ACVR1: variants seen among roughly 807,000 people sequenced by gnomAD.
The protein encoded by ACVR1 is activin A receptor type 1.
A neutral mutation model predicts 57.1 loss-of-function variants in ACVR1; 38 were observed. The ratio of observed to expected loss-of-function variants is 0.67; its 90% CI spans 0.51 to 0.87. The LOEUF (loss-of-function observed/expected upper bound fraction) is 0.87. Ranked by LOEUF, ACVR1 falls within the 40% of genes least tolerant of loss-of-function variation. The pLI is 0.00. For synonymous variants in ACVR1, 212 were observed against 228.1 expected, an observed-to-expected ratio of 0.93 and a Z score of 0.63; for missense variants, 463 against 638.2, an observed-to-expected ratio of 0.73 and a Z score of 2.96.
chr2:157,769,172 G>A (rs989675622), intron 7 of ACVR1, among the ~76,000 whole-genome samples: 3 of 152,196 alleles, frequency 2.0e-5, no homozygotes, highest in African/African-American at 7.2e-5. Flanking sequence ...GCGATCTCAA[G>A]GAATGGTCAG....
Position 157,774,097 on chromosome 2 carries a change from C to A in ACVR1, c.634G>T (p.Glu212Ter). The change falls in exon 6 of 11, where the codon GAG (glutamate) becomes TAG (stop). Residue 212 changes from glutamate to a stop codon, truncating the protein, a stop_gained. Transcript: ENST00000434821. LOFTEE classifies it high-confidence loss of function. Reference sequence around the variant, plus strand: ...GAAAAAAAAGAATTACCGACACACTCCAACAGTGTAATCTGGCGAGCCACT... The same window carrying A: ...GAAAAAAAAGAATTACCGACACACTACAACAGTGTAATCTGGCGAGCCACT... ...RTVARQITLL[E>*]CVGKGRYGEV... is the part of the protein sequence containing the mutation. 5.6e-6 allele frequency: 9 copies of A among 1,613,664 alleles called. No homozygotes were observed. The highest frequency in any genetic ancestry group is 7.6e-6 in the Non-Finnish European group (9 of 1,179,574).
intron 8 of ACVR1, among the ~76,000 whole-genome samples, chr2:157,763,555 C>T (rs1685745268): frequency 1.3e-5 from 2 of 152,060 alleles, no homozygotes; most frequent in Admixed American, 6.5e-5. Flanking sequence ...CTCATTTCTA[C>T]TAAGAACAAA....
At chr2:157,818,250 T>C (rs1688017085) in intron 2 of ACVR1, 135 bp downstream of exon 2, 1 of 152,194 alleles carries the variant, frequency 6.6e-6, no homozygotes, top group Non-Finnish European at 1.5e-5. Context: ...AAAATAATCA[T>C]TTGTGGCAAA....
intron 1 of ACVR1, among the ~76,000 whole-genome samples, chr2:157,827,881 C>T (rs143403930): frequency 5.3e-5 from 8 of 152,164 alleles, no homozygotes; most frequent in African/African-American, 9.7e-5. Context: ...CTCTGTTATC[C>T]TTTTATCCTA....
chr2:157,804,250 G>A (rs1199011422), intron 2 of ACVR1, among the ~76,000 whole-genome samples: 1 of 152,156 alleles, frequency 6.6e-6, no homozygotes, highest in Admixed American at 6.5e-5. Context: ...AGATATTTTA[G>A]ACTGAGCACT....
intron 8 of ACVR1, among the ~76,000 whole-genome samples, chr2:157,765,401 C>CGT (rs1309435937): frequency 6.6e-6 from 1 of 152,152 alleles, no homozygotes; most frequent in Non-Finnish European, 1.5e-5. Context: ...CAAAATGCAA[C>CGT]AGTACTGGTT....
intron 2 of ACVR1, among the ~76,000 whole-genome samples, chr2:157,817,976 T>C (rs1688005383): frequency 7.1e-6 from 1 of 139,996 alleles, no homozygotes; most frequent in African/African-American, 2.6e-5. Context: ...CACTCCAGCC[T>C]AGGTGACAGA....
At chr2:157,837,147 G>A (rs1385264649) in intron 1 of ACVR1, among the ~76,000 whole-genome samples, 4 of 152,228 alleles carry the variant, frequency 2.6e-5, no homozygotes, top group African/African-American at 9.6e-5. Context: ...CCCATGTATA[G>A]TAATGAATAA....
At chr2:157,874,638 G>T (rs1430972402) in intron 1 of ACVR1, among the ~76,000 whole-genome samples, 1 of 152,172 alleles carries the variant, frequency 6.6e-6, no homozygotes, top group Non-Finnish European at 1.5e-5. Flanking sequence ...AAGGGAGGTG[G>T]TGTCTATTTT....
chr2:157,748,277 G>C (rs971679213), intron 9 of ACVR1, among the ~76,000 whole-genome samples: 3 of 152,110 alleles, frequency 2.0e-5, no homozygotes, highest in African/African-American at 7.2e-5. Context: ...CTCAGCTCTG[G>C]CACCCCCACA....
chr2:157,860,681 C>T (rs1689688496), intron 1 of ACVR1, among the ~76,000 whole-genome samples: 1 of 152,068 alleles, frequency 6.6e-6, no homozygotes, highest in Non-Finnish European at 1.5e-5. Flanking sequence ...AGATGCTGCT[C>T]TACATATACT....
At chr2:157,816,812 A>C (rs1687955297) in intron 2 of ACVR1, among the ~76,000 whole-genome samples, 2 of 152,164 alleles carry the variant, frequency 1.3e-5, no homozygotes, top group Non-Finnish European at 2.9e-5. Flanking sequence ...GAGCAACTCA[A>C]ATGTTAAATT....
chr2:157,838,416 T>C (rs1688866397), intron 1 of ACVR1: 1 of 152,212 alleles, frequency 6.6e-6, no homozygotes, highest in Non-Finnish European at 1.5e-5. Flanking sequence ...AGTCCTGTTG[T>C]GAAATAAAAG....
Position 157,855,319 on chromosome 2 carries a change from TATATACACAC to T in ACVR1, c.-183+20467_-183+20476del, listed in dbSNP as rs1388423871. Among the ~76,000 whole-genome samples, 54 of 99,152 alleles carry T rather than the reference TATATACACAC, an allele frequency of 5.4e-4. 1 individual carries two copies. Among genetic ancestry groups the T allele is most frequent in the African/African-American group, 1.9e-3 (53 of 28,092 alleles). The allele number at this position is 99,152 out of a possible 152,430, so 65.0% of individuals were successfully genotyped here. A position where few individuals can be genotyped will look rare whatever the true frequency, so the allele number is the denominator to read the frequency against. Reference sequence around the variant, plus strand: ...GTGTGTGTGTGTGTGTATATATATATATATACACACACACACACACACACACAAAAATTAG... The same window carrying T: ...GTGTGTGTGTGTGTGTATATATATATACACACACACACACACAAAAATTAG... On this transcript the variant is annotated intron_variant, in intron 1 of 10. Coordinates refer to ENST00000434821, the MANE Select transcript of ACVR1 (RefSeq NM_001111067.4).
chr2:157,842,359 C>T (rs953556186), intron 1 of ACVR1, among the ~76,000 whole-genome samples: 15 of 152,226 alleles, frequency 9.9e-5, no homozygotes, highest in East Asian at 1.9e-4. Flanking sequence ...TGAACTGCAG[C>T]AAGTTCACTG....
intron 1 of ACVR1, among the ~76,000 whole-genome samples, 162 bp from the exon 2 acceptor site, chr2:157,818,721 T>A (rs553049102): frequency 6.6e-6 from 1 of 152,268 alleles, no homozygotes; most frequent in South Asian, 2.1e-4. Context: ...TTGAAAACAC[T>A]GATAGGAAGA....
rs1050304837 is a variant in ACVR1, at chr2:157,748,034, C to T, written c.1265-9464G>A. On this transcript the variant is annotated intron_variant, in intron 9 of 10. Coordinates refer to ENST00000434821, the MANE Select transcript of ACVR1 (RefSeq NM_001111067.4). ...AAAACATTCTCCCTTCCTCTACCTT[C>T]CTTTTTTTTCTTTTTCTTCCAAAAA... 3.3e-5 allele frequency among the ~76,000 whole-genome samples: 5 copies of T among 152,196 alleles called. No individual in the cohort carries two copies. In the South Asian group the frequency reaches 1.0e-3, roughly 32 times the overall value.
chr2:157,819,096 A>C (rs1015008705), intron 1 of ACVR1, among the ~76,000 whole-genome samples: 25 of 150,922 alleles, frequency 1.7e-4, no homozygotes, highest in Middle Eastern at 3.4e-3. Flanking sequence ...AAAAAAAAAA[A>C]AAAAAAACCA....
chr2:157,767,126 G>A (rs1685893337), intron 7 of ACVR1, among the ~76,000 whole-genome samples: 1 of 152,016 alleles, frequency 6.6e-6, no homozygotes, highest in African/African-American at 2.4e-5. Flanking sequence ...CCGCCTCCTG[G>A]GTTCAAGTGA....
Sources: allele counts gnomAD v4.1 joint callset (sites outside exome capture counted in the v4.1 genomes callset), GRCh38; gene constraint gnomAD v4.1.1; transcripts MANE v1.5; gene names NCBI Gene and HGNC (gene_info 2026-07-23, HGNC 2026-07-21).